Variants in TNPO2 observed in about 807,000 individuals in gnomAD.
TNPO2 encodes transportin-2.
In TNPO2, 16 loss-of-function variants were observed where a neutral mutation model predicts 111.1. The ratio of observed to expected loss-of-function variants is 0.14; its 90% CI spans 0.10 to 0.22. TNPO2 has a LOEUF of 0.22. Among genes scored for constraint, TNPO2 ranks in the 10% least tolerant of loss-of-function variants. The probability of loss-of-function intolerance (pLI) is 1.00; values close to 1 mark genes in which losing one functional copy is unlikely to be tolerated. For missense variants in TNPO2, 530 were observed against 1,173.7 expected, an observed-to-expected ratio of 0.45 and a Z score of 8.01; for synonymous variants, 481 against 475.8, an observed-to-expected ratio of 1.01 and a Z score of -0.14.
At position 12,699,228 on chromosome 19, in the gene TNPO2, A is replaced by T. The variant is rs1340194855; in HGVS notation, c.*2036T>A. ...CACAAGAAACTGATCTTTACTCAAC[A>T]AAGTTCTACACAAGTGGAATCTCAC... On this transcript the variant is annotated 3_prime_UTR_variant, in exon 26 of 26. Transcript: ENST00000425528. 2.3e-6 allele frequency: 1 copy of T among 428,298 alleles called. No individual in the cohort carries two copies. The highest frequency in any genetic ancestry group is 8.8e-5 in the East Asian group (1 of 11,344). 26.5% of individuals were successfully genotyped at this position (428,298 alleles called of 1,614,324 possible). A position where few individuals can be genotyped will look rare whatever the true frequency, so the allele number is the denominator to read the frequency against.
chr19:12,718,941 A>C, intron 5 of TNPO2, 88 bp downstream of exon 5: 4 of 1,531,258 alleles, frequency 2.6e-6, no homozygotes, highest in Non-Finnish European at 3.6e-6. Flanking sequence ...AGAGGGTGCC[A>C]GAGCATTCCA....
intron 10 of TNPO2, among the ~76,000 whole-genome samples, chr19:12,712,894 C>T (rs2026145088): frequency 6.6e-6 from 1 of 152,156 alleles, no homozygotes; most frequent in Admixed American, 6.5e-5. Flanking sequence ...ACCCACCGAC[C>T]CTGTGGGGCT....
chr19:12,711,476 G>A lies in TNPO2; in HGVS notation c.952-15C>T. 1 of 1,613,932 alleles carries A rather than the reference G, an allele frequency of 6.2e-7. No individual in the cohort carries two copies. Among genetic ancestry groups the A allele is most frequent in the African/African-American group, 1.3e-5 (1 of 75,044 alleles). On this transcript the variant is annotated splice_polypyrimidine_tract_variant and intron_variant, in intron 11 of 25. Transcript: ENST00000425528. The stretch of plus-strand genomic sequence containing the variant: ...TCCACATCCCCCTGGGGGACAGGCA[G>A]ACTGTTAAGTACTTTGGGGACCACA...
intron 3 of TNPO2, among the ~76,000 whole-genome samples, chr19:12,720,262 G>A (rs572014611): frequency 1.6e-4 from 24 of 151,752 alleles, no homozygotes; most frequent in Non-Finnish European, 2.8e-4. Context: ...CAGGTGATCC[G>A]TCCGCCTCGG....
chr19:12,706,783 C>A lies in TNPO2; in HGVS notation c.1283G>T (p.Gly428Val). ...LGAIAEGCMQ[G>V]MVPYLPELIP... ...CAGCTCAGGCAGGTAGGGCACCATG[C>A]CCTGCATGCAGCCTACAAGGAAAGG... Residue 428 changes from glycine to valine, a missense_variant, in exon 14 of 26, where the codon GGC becomes GTC. Physicochemically the swap from Gly to Val is moderately radical, Grantham distance 109. Coordinates refer to ENST00000425528, the MANE Select transcript of TNPO2 (RefSeq NM_001382241.1). This position sits in a 1 kb window ranked among gnomAD's most constrained non-coding sequence, Gnocchi z 7.0. 6.2e-7 allele frequency: 1 copy of A among 1,607,632 alleles called. No individual in the cohort carries two copies. The highest frequency in any genetic ancestry group is 8.5e-7 in the Non-Finnish European group (1 of 1,177,148).
At chr19:12,714,580 A>G (rs535280947) in intron 10 of TNPO2, among the ~76,000 whole-genome samples, 30 of 152,120 alleles carry the variant, frequency 2.0e-4, no homozygotes, top group South Asian at 8.3e-4. Flanking sequence ...CCAAAGTGCT[A>G]GGATTACAGG....
chr19:12,717,283 T>C (rs1306018293), intron 5 of TNPO2, among the ~76,000 whole-genome samples: 1 of 147,388 alleles, frequency 6.8e-6, no homozygotes, highest in Non-Finnish European at 1.5e-5. Context: ...TTTTTTTTTT[T>C]TTTTTTGAGA....
At chr19:12,704,074 A>G (rs992131906) in intron 18 of TNPO2, among the ~76,000 whole-genome samples, 1 of 152,204 alleles carries the variant, frequency 6.6e-6, no homozygotes, top group Non-Finnish European at 1.5e-5. Flanking sequence ...ATAAAGTGGC[A>G]CAGTGTTAGG....
Position 12,721,658 on chromosome 19 carries a change from A to G in TNPO2, c.-13-668T>C. The G allele has an allele frequency of 4.0e-6, 1 of 248,020 alleles. No homozygotes were observed. The highest frequency in any genetic ancestry group is 3.7e-5 in the South Asian group (1 of 27,308). 15.4% of individuals were successfully genotyped at this position (248,020 alleles called of 1,614,324 possible). A position where few individuals can be genotyped will look rare whatever the true frequency, so the allele number is the denominator to read the frequency against. ...AAGGATTCCCCTTAATCAGGCCCAA[A>G]GCAGTCCCCAGGTAGGTCTCTGCTG... is the stretch of plus-strand genomic sequence containing the variant. On this transcript the variant is annotated intron_variant, in intron 2 of 25. Transcript: ENST00000425528. The surrounding 1 kb of genome is among the most constrained non-coding windows in gnomAD (Gnocchi z 4.9).
chr19:12,710,883 C>A, intron 12 of TNPO2, 110 bp from the exon 13 acceptor site: 1 of 1,147,038 alleles, frequency 8.7e-7, no homozygotes, highest in Non-Finnish European at 1.2e-6. Context: ...TCTTCACGAT[C>A]AGCTTCTTTT....
chr19:12,706,732 G>A lies in TNPO2; in HGVS notation c.1334C>T (p.Ser445Leu), dbSNP rs1312105209. The part of the protein sequence containing the change: ...ELIPHLIQCL[S>L]DKKALVRSIA... ...GGAGCGGACCAAGGCCTTCTTATCCGACAGGCACTGGATCAGGTGCGGGAT... is the reference window on the plus strand; with the variant it reads ...GGAGCGGACCAAGGCCTTCTTATCCAACAGGCACTGGATCAGGTGCGGGAT... Residue 445 changes from serine (S) to leucine (L), a missense_variant, in exon 14 of 26, where the codon TCG (serine) becomes TTG (leucine). Transcript: ENST00000425528. The surrounding 1 kb of genome is among the most constrained non-coding windows in gnomAD (Gnocchi z 7.0). 7 of 1,613,354 alleles carry A rather than the reference G, an allele frequency of 4.3e-6. No homozygotes were observed. The highest frequency in any genetic ancestry group is 1.7e-5 in the Admixed American group (1 of 59,898).
In TNPO2 at chr19:12,721,110, A is replaced by G; in HGVS notation, c.-13-120T>C. 2 of 1,521,882 alleles carry G rather than the reference A, an allele frequency of 1.3e-6. No homozygotes were observed. The highest frequency in any genetic ancestry group is 1.8e-6 in the Non-Finnish European group (2 of 1,140,802). 94.3% of individuals were successfully genotyped at this position (1,521,882 alleles called of 1,614,324 possible). ...GGGAACGCCCTCGGCGGACAGGCGG[A>G]GGCCTCCGATCCACGCCCGCCCAAG... On this transcript the variant is annotated intron_variant, in intron 2 of 25. Coordinates refer to ENST00000425528, the MANE Select transcript of TNPO2 (RefSeq NM_001382241.1). The surrounding 1 kb of genome is among the most constrained non-coding windows in gnomAD (Gnocchi z 4.9).
At position 12,712,623 on chromosome 19, in the gene TNPO2, C is replaced by T. The variant is rs554395304; in HGVS notation, c.891-1010G>A. ...CTTTGTCTACTCTCCCTCTCTGCCTCGGCTGCCAGGCAGGGAAGGGCCCCC... is the reference window on the plus strand; with the variant it reads ...CTTTGTCTACTCTCCCTCTCTGCCTTGGCTGCCAGGCAGGGAAGGGCCCCC... On this transcript the variant is annotated intron_variant, in intron 10 of 25. Coordinates refer to ENST00000425528, the MANE Select transcript of TNPO2 (RefSeq NM_001382241.1). Among the ~76,000 whole-genome samples, 256 of 151,944 alleles carry T rather than the reference C, an allele frequency of 1.7e-3. 1 individual carries two copies. Among genetic ancestry groups the T allele is most frequent in the African/African-American group, 5.8e-3 (241 of 41,534 alleles).
In TNPO2 at chr19:12,703,858, C is replaced by T. The variant is rs369405217; in HGVS notation, c.2023-57G>A. On this transcript the variant is annotated intron_variant, in intron 18 of 25. Transcript: ENST00000425528. Reference sequence around the variant, plus strand: ...GCTCCCCTCCTTCTAACCAGGACAGCTCAGGGGGCACAGTCCCTGGTGCAT... The same window carrying T: ...GCTCCCCTCCTTCTAACCAGGACAGTTCAGGGGGCACAGTCCCTGGTGCAT... 5.7e-5 allele frequency: 82 copies of T among 1,447,118 alleles called. No individual in the cohort carries two copies. The African/African-American group carries it at 1.1e-3, about 19-fold the overall frequency. The allele number at this position is 1,447,118 out of a possible 1,614,324, so 89.6% of individuals were successfully genotyped here.
intron 5 of TNPO2, among the ~76,000 whole-genome samples, chr19:12,716,741 T>C (rs2026383860): frequency 6.6e-6 from 1 of 152,180 alleles, no homozygotes; most frequent in East Asian, 1.9e-4. Flanking sequence ...CAACTTTAAA[T>C]TGGGTGGCCA....
At position 12,715,630 on chromosome 19, in the gene TNPO2, T is replaced by C; in HGVS notation, c.432+3A>G. 6.2e-7 allele frequency: 1 copy of C among 1,613,824 alleles called. No homozygotes were observed. The highest frequency in any genetic ancestry group is 8.5e-7 in the Non-Finnish European group (1 of 1,179,808). Reference sequence around the variant, plus strand: ...CTCTGGCCATCCATGGCTTCTTGCCTACCTCACAAGTGTTGTAATCCTCCG... The same window carrying C: ...CTCTGGCCATCCATGGCTTCTTGCCCACCTCACAAGTGTTGTAATCCTCCG... On this transcript the variant is annotated splice_donor_region_variant and intron_variant, in intron 6 of 25. Transcript: ENST00000425528. This position sits in a 1 kb window ranked among gnomAD's most constrained non-coding sequence, Gnocchi z 7.1.
intron 20 of TNPO2, chr19:12,703,183 C>T (rs2145458783): frequency 1.7e-6 from 1 of 586,750 alleles, no homozygotes; most frequent in South Asian, 2.2e-5. Context: ...AAAAAAAAAG[C>T]CAAAGTCACC....
At position 12,705,287 on chromosome 19, in the gene TNPO2, G is replaced by A. The variant is rs563533566; in HGVS notation, c.1975C>T (p.Leu659=). Residue 659 remains leucine, a synonymous_variant, in exon 18 of 26, where the codon CTG becomes TTG. Coordinates refer to ENST00000425528, the MANE Select transcript of TNPO2 (RefSeq NM_001382241.1). The surrounding 1 kb of genome is among the most constrained non-coding windows in gnomAD (Gnocchi z 7.2). ...GTCATGATGTTGCTGCGGGCCACCA[G>A]CTGCTCCACGTGACCACCCAGGCCC... ...AEGLGGHVEQ[L]VARSNIMTLL... is the part of the protein sequence containing the mutation. 2.5e-6 allele frequency: 4 copies of A among 1,604,010 alleles called. No individual in the cohort carries two copies. Among genetic ancestry groups the A allele is most frequent in the Non-Finnish European group, 3.4e-6 (4 of 1,175,562 alleles).
chr19:12,716,259 AC>A (rs2026361595), intron 5 of TNPO2, among the ~76,000 whole-genome samples: 1 of 152,206 alleles, frequency 6.6e-6, no homozygotes, highest in African/African-American at 2.4e-5. Flanking sequence ...GAGGCACAGC[AC>A]AGAGCAAAAC....
Sources: allele counts gnomAD v4.1 joint callset (sites outside exome capture counted in the v4.1 genomes callset), GRCh38; gene constraint gnomAD v4.1.1; non-coding constraint Gnocchi (gnomAD v3.1); transcripts MANE v1.5; gene names NCBI Gene and HGNC (gene_info 2026-07-23, HGNC 2026-07-21).